The following TPM4 variants were observed in gnomAD, a reference collection of about 807,000 sequenced individuals.
The protein encoded by TPM4 is tropomyosin 4.
TPM4 carries 17 observed loss-of-function variants against 35.8 expected under a neutral mutation model. The ratio of observed to expected loss-of-function variants is 0.47; its 90% CI spans 0.32 to 0.71. The LOEUF is 0.71. TPM4 is among the 30% of genes least tolerant of loss of function. The pLI is 0.03. For synonymous variants in TPM4, 120 were observed against 122.9 expected (o/e 0.98, Z 0.15); for missense variants, 240 against 320.9 (o/e 0.75, Z 1.93).
At chr19:16,084,176 C>T (rs1386715735) in intron 2 of TPM4, among the ~76,000 whole-genome samples, 3 of 152,196 alleles carry the variant, frequency 2.0e-5, no homozygotes, top group Non-Finnish European at 4.4e-5. Flanking sequence ...ATCCACCTGC[C>T]TTGGCCTCCC....
At chr19:16,068,715 G>C (rs931982642) in intron 2 of TPM4, among the ~76,000 whole-genome samples, 3 of 152,084 alleles carry the variant, frequency 2.0e-5, no homozygotes, top group African/African-American at 7.2e-5. Context: ...GCATTTCTGC[G>C]TGTGTGTGTA....
At chr19:16,078,196 G>C (rs1027895829) in intron 1 of TPM4, 2 of 398,526 alleles carry the variant, frequency 5.0e-6, no homozygotes, top group Non-Finnish European at 8.8e-6. Flanking sequence ...GCATGACAGG[G>C]GAGGCTCCAA....
chr19:16,082,756 C>T (rs1205527439), intron 2 of TPM4, among the ~76,000 whole-genome samples: 3 of 152,072 alleles, frequency 2.0e-5, no homozygotes, highest in African/African-American at 7.2e-5. Flanking sequence ...CTTTGGGAGG[C>T]AGAGGCGGGC....
intron 4 of TPM4, 132 bp downstream of exon 4, chr19:16,088,229 C>T: frequency 7.0e-7 from 1 of 1,433,306 alleles, no homozygotes; most frequent in Admixed American, 2.1e-5. Context: ...GCTCATGGCT[C>T]ATCTTTTCTC....
intron 7 of TPM4, among the ~76,000 whole-genome samples, chr19:16,097,203 C>G (rs2090711664): frequency 6.6e-6 from 1 of 151,896 alleles, no homozygotes; most frequent in South Asian, 2.1e-4. Flanking sequence ...ATCCGCCCAC[C>G]TCAGCTTCCA....
rs533096636 is a variant in TPM4, at chr19:16,077,756, T to G, written c.132+1059T>G. ...GGCGCTTTGTAAATAATCAATTGTGTTGTTGTTTTTTGTTGTTTTGTTTTT... is the reference window on the plus strand; with the variant it reads ...GGCGCTTTGTAAATAATCAATTGTGGTGTTGTTTTTTGTTGTTTTGTTTTT... On this transcript the variant is annotated intron_variant, in intron 1 of 7. Coordinates refer to ENST00000643579, the MANE Select transcript of TPM4 (RefSeq NM_003290.3). Among the ~76,000 whole-genome samples, 5 of 151,196 alleles carry G rather than the reference T, an allele frequency of 3.3e-5. No individual in the cohort carries two copies. In the South Asian group the frequency reaches 1.1e-3, roughly 33 times the overall value.
At chr19:16,076,159 A>G (rs1390936051), upstream of TPM4, 5 of 1,561,712 alleles carry the variant, frequency 3.2e-6, no homozygotes, top group Admixed American at 1.9e-5. Context: ...CTCACGGAGA[A>G]GAAGGCCTCC....
intron 7 of TPM4, among the ~76,000 whole-genome samples, chr19:16,096,398 G>A (rs2090697518): frequency 6.6e-6 from 1 of 152,206 alleles, no homozygotes; most frequent in South Asian, 2.1e-4. Flanking sequence ...AAATTGTTGT[G>A]AATGGAGGCT....
intron 7 of TPM4, among the ~76,000 whole-genome samples, chr19:16,098,569 T>A (rs1016601862): frequency 1.3e-5 from 2 of 152,230 alleles, no homozygotes; most frequent in African/African-American, 2.4e-5. Flanking sequence ...AGTCATTTTA[T>A]CTCAGACCTA....
upstream of TPM4, chr19:16,076,006 C>CT (rs34376537): frequency 2.0e-6 from 3 of 1,482,768 alleles, no homozygotes; most frequent in African/African-American, 5.0e-5. Flanking sequence ...GGACGTGACC[C>CT]CCCCCCCAGG....
chr19:16,071,963 G>A (rs1024602974), upstream of TPM4, among the ~76,000 whole-genome samples: 5 of 152,126 alleles, frequency 3.3e-5, no homozygotes, highest in Admixed American at 6.6e-5. Context: ...GGACAATGAC[G>A]GGCACGCGCC....
chr19:16,078,431 G>A (rs1444000100), intron 1 of TPM4, among the ~76,000 whole-genome samples: 1 of 152,200 alleles, frequency 6.6e-6, no homozygotes, highest in Non-Finnish European at 1.5e-5. Context: ...TGAATTGCCA[G>A]GACTGGAAAG....
chr19:16,075,832 C>A (rs1228530202), upstream of TPM4: 1 of 678,684 alleles, frequency 1.5e-6, no homozygotes, highest in Non-Finnish European at 2.3e-6. Flanking sequence ...CCCAAAACAG[C>A]TGGTCCTCAG....
At chr19:16,086,918 C>T (rs1330473805) in intron 3 of TPM4, among the ~76,000 whole-genome samples, 1 of 152,074 alleles carries the variant, frequency 6.6e-6, no homozygotes, top group Non-Finnish European at 1.5e-5. Flanking sequence ...CTCTTGTCTG[C>T]CTCGCTCCTC....
intron 2 of TPM4, among the ~76,000 whole-genome samples, chr19:16,083,012 AAAG>A (rs983251741): frequency 6.7e-6 from 1 of 149,758 alleles, no homozygotes; most frequent in Non-Finnish European, 1.5e-5. Flanking sequence ...AAAAAAAAAA[AAAG>A]CAGAGTACTG....
rs747587056 is a variant in TPM4 at position 16,070,262 on chromosome 19, G to A, written c.114+2524G>A. 8.5e-5 allele frequency among the ~76,000 whole-genome samples: 13 copies of A among 152,186 alleles called. No individual in the cohort carries two copies. In the East Asian group the frequency reaches 2.5e-3, roughly 29 times the overall value. On this transcript the variant is annotated intron_variant, in intron 2 of 2. Transcript: ENST00000589897. This position sits in a 1 kb window ranked among gnomAD's most constrained non-coding sequence, Gnocchi z 7.4. Reference sequence around the variant, plus strand: ...CAAGAGTCCTGGGAACCCTGGCAATGAGAATGCATTGGAGTTCCAAGGCCG... The same window carrying A: ...CAAGAGTCCTGGGAACCCTGGCAATAAGAATGCATTGGAGTTCCAAGGCCG...
intron 7 of TPM4, among the ~76,000 whole-genome samples, chr19:16,094,677 CAG>C (rs937177670): frequency 6.0e-5 from 9 of 149,320 alleles, no homozygotes; most frequent in African/African-American, 2.0e-4. Flanking sequence ...AAAAAAAAAA[CAG>C]AAATACAGAA....
rs1204577515 is a variant in TPM4 at position 16,102,731 on chromosome 19, A to G, written c.*1385A>G. ...TCTCTTTTCTCAGTTAACATCTCAG[A>G]GCTAGAACATTCCACATTCCCCAGC... On this transcript the variant is annotated 3_prime_UTR_variant, in exon 8 of 8. Transcript: ENST00000643579. 5.2e-5 allele frequency: 12 copies of G among 230,362 alleles called. No homozygotes were observed. Among genetic ancestry groups the G allele is most frequent in the East Asian group, 3.7e-4 (6 of 16,234 alleles). The allele number at this position is 230,362 out of a possible 1,614,324, so 14.3% of individuals were successfully genotyped here.
intron 3 of TPM4, among the ~76,000 whole-genome samples, chr19:16,087,698 C>CA (rs1457014179): frequency 2.0e-5 from 3 of 151,986 alleles, no homozygotes; most frequent in Non-Finnish European, 4.4e-5. Context: ...CTGGCCACTA[C>CA]GGTGAAACCC....
Sources: allele counts gnomAD v4.1 joint callset (sites outside exome capture counted in the v4.1 genomes callset), GRCh38; gene constraint gnomAD v4.1.1; non-coding constraint Gnocchi (gnomAD v3.1); transcripts MANE v1.5; gene names NCBI Gene and HGNC (gene_info 2026-07-23, HGNC 2026-07-21).